ZNF875: variants seen among roughly 807,000 people sequenced by gnomAD.
ZNF875 encodes HKR1, GLI-Kruppel zinc finger family member.
A neutral mutation model predicts 11.2 loss-of-function variants in ZNF875; 14 were observed. That is an observed-to-expected ratio of 1.26 (90% CI 0.83 to 1.96). The LOEUF (loss-of-function observed/expected upper bound fraction) is 1.96. Among genes scored for constraint, ZNF875 ranks in the 30% most tolerant of loss-of-function variants. The pLI is 0.00. For missense variants in ZNF875, 752 were observed against 760.4 expected, an observed-to-expected ratio of 0.99 and a Z score of 0.13; for synonymous variants, 301 against 281.1, an observed-to-expected ratio of 1.07 and a Z score of -0.71.
At chr19:37,320,526 C>T (rs191832841) in intron 1 of ZNF875, among the ~76,000 whole-genome samples, 5 of 152,304 alleles carry the variant, frequency 3.3e-5, no homozygotes, top group Middle Eastern at 3.4e-3. Context: ...AATTTAGTAG[C>T]TCAAACCATC....
In ZNF875 at chr19:37,363,392, G is replaced by C. The variant is rs1171025981; in HGVS notation, c.1540G>C (p.Gly514Arg). Reference protein sequence around the residue: ...KPFVCAECGRGFNDKSTLISH... With the variant: ...KPFVCAECGRRFNDKSTLISH... ...ATTTGTATGTGCTGAGTGTGGACGAGGCTTTAATGATAAGTCCACCCTCAT... is the reference window on the plus strand; with the variant it reads ...ATTTGTATGTGCTGAGTGTGGACGACGCTTTAATGATAAGTCCACCCTCAT... The change falls in exon 5 of 5, where the codon GGC becomes CGC. Residue 514 changes from glycine (G) to arginine (R), a missense_variant. Gly to Arg is a moderately radical substitution (Grantham distance 125, BLOSUM62 -2). Transcript: ENST00000392153. 6.2e-7 allele frequency: 1 copy of C among 1,613,668 alleles called. No individual in the cohort carries two copies. Among genetic ancestry groups the C allele is most frequent in the Admixed American group, 1.7e-5 (1 of 60,010 alleles).
chr19:37,342,475 C>T lies in ZNF875; in HGVS notation c.34-4715C>T, dbSNP rs191716849. Among the ~76,000 whole-genome samples, 947 of 147,686 alleles carry T rather than the reference C, an allele frequency of 6.4e-3. 24 individuals carry two copies. The highest frequency in any genetic ancestry group is 0.053 in the East Asian group (265 of 4,990). On this transcript the variant is annotated intron_variant, in intron 2 of 4. Transcript: ENST00000392153. ...TTGCCCAGGCTGGAGTGCAATGGAG[C>T]GATATCGGCTCACTGCAACCTCCAC...
chr19:37,316,358 T>C (rs535941474), upstream of ZNF875, among the ~76,000 whole-genome samples: 1 of 152,336 alleles, frequency 6.6e-6, no homozygotes, highest in South Asian at 2.1e-4. Context: ...ATTTCCTTTA[T>C]ATTTATTTAT....
intron 4 of ZNF875, among the ~76,000 whole-genome samples, chr19:37,356,733 TA>T (rs2038977322): frequency 6.6e-6 from 1 of 152,246 alleles, no homozygotes; most frequent in African/African-American, 2.4e-5. Context: ...TAGTCCTTTG[TA>T]AGATGCATGG....
chr19:37,355,611 G>A (rs770268606), intron 4 of ZNF875, among the ~76,000 whole-genome samples: 7 of 151,954 alleles, frequency 4.6e-5, no homozygotes, highest in East Asian at 3.9e-4. Context: ...TCTACCATTC[G>A]TATTATAATT....
chr19:37,335,025 C>T (rs1418693201), intron 1 of ZNF875, 144 bp from the exon 2 acceptor site: 8 of 560,910 alleles, frequency 1.4e-5, no homozygotes, highest in African/African-American at 3.8e-5. Context: ...GTCATCCTGG[C>T]CCCCCACTGG....
chr19:37,335,125 G>A (rs2034074399), intron 1 of ZNF875, 44 bp from the exon 2 acceptor site: 4 of 679,308 alleles, frequency 5.9e-6, no homozygotes, highest in Admixed American at 2.0e-5. Context: ...TCGTGGGGAG[G>A]GTGTTTCCAC....
chr19:37,340,644 C>CTTTTTTTTT (rs386388968), intron 2 of ZNF875, among the ~76,000 whole-genome samples: 1 of 104,716 alleles, frequency 9.5e-6, no homozygotes, highest in Non-Finnish European at 1.8e-5. Flanking sequence ...CTTATGTGTA[C>CTTTTTTTTT]TTTTTTTTTT....
upstream of ZNF875, chr19:37,315,456 T>C (rs1410196574): frequency 6.6e-6 from 1 of 152,242 alleles, no homozygotes; most frequent in Non-Finnish European, 1.5e-5. Context: ...TATGGGCTTC[T>C]GGACTCTGTG....
chr19:37,340,544 C>G (rs781104002), intron 2 of ZNF875, among the ~76,000 whole-genome samples: 3 of 150,522 alleles, frequency 2.0e-5, no homozygotes, highest in Non-Finnish European at 4.4e-5. Flanking sequence ...TTAGGACAGT[C>G]TTCATTTCAA....
At chr19:37,360,746 T>C (rs557716526) in intron 4 of ZNF875, among the ~76,000 whole-genome samples, 2 of 152,278 alleles carry the variant, frequency 1.3e-5, no homozygotes, top group East Asian at 3.9e-4. Flanking sequence ...TCCTCCCACC[T>C]CAGCCTCCTT....
chr19:37,314,760 AAAAAAAAAG>A (rs2030112770), upstream of ZNF875: 2 of 151,984 alleles, frequency 1.3e-5, no homozygotes, highest in African/African-American at 4.8e-5. Context: ...CAAAAAAAAA[AAAAAAAAAG>A]AAGAAGAAGT....
At chr19:37,313,470 C>T (rs1265954246), upstream of ZNF875, among the ~76,000 whole-genome samples, 1 of 152,106 alleles carries the variant, frequency 6.6e-6, no homozygotes, top group Admixed American at 6.5e-5. Flanking sequence ...CAGATTGATT[C>T]CACACTCTCT....
chr19:37,340,233 C>G lies in ZNF875; in HGVS notation c.33+4976C>G, dbSNP rs1039404752. Among the ~76,000 whole-genome samples the G allele has an allele frequency of 2.6e-5, 4 of 151,956 alleles. No individual in the cohort carries two copies. In the East Asian group the frequency reaches 7.8e-4, roughly 30 times the overall value. On this transcript the variant is annotated intron_variant, in intron 2 of 4. Coordinates refer to ENST00000392153, the MANE Select transcript of ZNF875 (RefSeq NM_001353803.2). ...CTGACCTCTGGTGAACTACCCGCCT[C>G]GGCCTCCCAAAGTGCTGGGATTACA...
intron 4 of ZNF875, among the ~76,000 whole-genome samples, chr19:37,349,750 G>A (rs933170735): frequency 6.6e-6 from 1 of 152,026 alleles, no homozygotes; most frequent in African/African-American, 2.4e-5. Context: ...TGCCTCCCAG[G>A]TTCAAGCGAT....
At chr19:37,327,058 C>G (rs1335582752) in intron 4 of ZNF875, among the ~76,000 whole-genome samples, 1 of 151,294 alleles carries the variant, frequency 6.6e-6, no homozygotes, top group Non-Finnish European at 1.5e-5. Flanking sequence ...AATGGCAGGT[C>G]TCGGATCCCT....
chr19:37,355,092 G>A (rs145206952), intron 4 of ZNF875, among the ~76,000 whole-genome samples: 4 of 152,166 alleles, frequency 2.6e-5, no homozygotes, highest in East Asian at 3.8e-4. Context: ...TCTTTTGCAT[G>A]CATACCCTTC....
chr19:37,362,919 A>G lies in ZNF875; in HGVS notation c.1067A>G (p.His356Arg), dbSNP rs1294601194. Residue 356 changes from histidine (H) to arginine (R), a missense_variant, in exon 5 of 5, where the codon CAC becomes CGC. Physicochemically the swap from His to Arg is conservative, Grantham distance 29. Transcript: ENST00000392153. ...SFSLKSNLIT[H>R]QRAHTGEKPY... ...AGCCTGAAGTCAAACCTCATTACCCACCAGAGGGCGCACACTGGGGAGAAG... is the reference window on the plus strand; with the variant it reads ...AGCCTGAAGTCAAACCTCATTACCCGCCAGAGGGCGCACACTGGGGAGAAG... 1.2e-6 allele frequency: 2 copies of G among 1,613,928 alleles called. No individual in the cohort carries two copies. Among genetic ancestry groups the G allele is most frequent in the African/African-American group, 2.7e-5 (2 of 74,848 alleles).
chr19:37,315,238 G>C (rs1453289077), upstream of ZNF875: 3 of 152,208 alleles, frequency 2.0e-5, no homozygotes, highest in Non-Finnish European at 2.9e-5. Flanking sequence ...ATAAACCTGG[G>C]AGTGGGTGCG....
Sources: gnomAD v4.1 joint callset for allele counts (sites outside exome capture counted in the v4.1 genomes callset) on GRCh38, gnomAD v4.1.1 for gene constraint, MANE v1.5 for transcripts, NCBI Gene and HGNC (gene_info 2026-07-23, HGNC 2026-07-21) for gene names.